The following GRM7 variants were observed in gnomAD, a reference collection of about 807,000 sequenced individuals.
The protein encoded by GRM7 is glutamate metabotropic receptor 7.
A neutral mutation model predicts 84.5 loss-of-function variants in GRM7; 35 were observed. That is an observed-to-expected ratio of 0.41 (90% CI 0.32 to 0.55). The LOEUF (loss-of-function observed/expected upper bound fraction) is 0.55, where lower values mean the gene tolerates loss of function less well. Among genes scored for constraint, GRM7 ranks in the 20% least tolerant of loss-of-function variants. The probability of loss-of-function intolerance (pLI) is 0.19; values close to 1 mark genes in which losing one functional copy is unlikely to be tolerated. For synonymous variants in GRM7, 487 were observed against 455.1 expected (o/e 1.07, Z -0.89); for missense variants, 1,003 against 1,194.6 (o/e 0.84, Z 2.36).
chr3:7,167,887 T>G (rs971014016), intron 2 of GRM7, among the ~76,000 whole-genome samples: 7 of 137,512 alleles, frequency 5.1e-5, no homozygotes, highest in African/African-American at 8.1e-5. Flanking sequence ...GAGAATGGCG[T>G]GAACCCGGGA....
At chr3:7,103,311 G>T (rs1270259879) in intron 1 of GRM7, among the ~76,000 whole-genome samples, 1 of 151,670 alleles carries the variant, frequency 6.6e-6, no homozygotes, top group Admixed American at 6.6e-5. Context: ...CTGAAGTCTG[G>T]TCCAAAAGTG....
At chr3:6,893,867 T>G (rs1330298959) in intron 1 of GRM7, 1 of 152,090 alleles carries the variant, frequency 6.6e-6, no homozygotes, top group East Asian at 1.9e-4. Context: ...GGAAATAAGG[T>G]AAAGAGTAGA....
intron 1 of GRM7, among the ~76,000 whole-genome samples, chr3:7,016,694 T>C (rs1286484580): frequency 6.6e-6 from 1 of 152,172 alleles, no homozygotes; most frequent in Non-Finnish European, 1.5e-5. Context: ...GTAGTAATAA[T>C]AAAATAAAAC....
At chr3:7,465,319 G>A (rs1304869672) in intron 7 of GRM7, among the ~76,000 whole-genome samples, 1 of 152,250 alleles carries the variant, frequency 6.6e-6, no homozygotes, top group East Asian at 1.9e-4. Context: ...AAGAGGCTGG[G>A]TTTAATTCAA....
At chr3:7,435,988 C>T (rs1010462117) in intron 5 of GRM7, among the ~76,000 whole-genome samples, 1 of 151,524 alleles carries the variant, frequency 6.6e-6, no homozygotes, top group African/African-American at 2.4e-5. Flanking sequence ...AGGCGTGAGC[C>T]ACCAGGCCCA....
In GRM7 at chr3:6,917,440, GTATTAT is replaced by G. The variant is rs546307829; in HGVS notation, c.519+55534_519+55539del. Among the ~76,000 whole-genome samples, 390 of 148,438 alleles carry G rather than the reference GTATTAT, an allele frequency of 2.6e-3. 2 individuals carry two copies. The highest frequency in any genetic ancestry group is 4.6e-3 in the South Asian group (21 of 4,606). ...ATGATGCAAATTGATTGAAATATAT[GTATTAT>G]AAAATAGCACCTAGGAAAACTGGAA... On this transcript the variant is annotated intron_variant, in intron 1 of 9. Coordinates refer to ENST00000357716, the MANE Select transcript of GRM7 (RefSeq NM_000844.4).
chr3:7,064,479 T>TATATATATATATATACACAC, intron 1 of GRM7, among the ~76,000 whole-genome samples: 41 of 99,374 alleles, frequency 4.1e-4, no homozygotes, highest in South Asian at 1.4e-3. Flanking sequence ...TATATATATA[T>TATATATATATATATACACAC]ACACACATAT....
chr3:6,877,050 G>A (rs1443319490), intron 1 of GRM7, among the ~76,000 whole-genome samples: 2 of 152,160 alleles, frequency 1.3e-5, no homozygotes, highest in African/African-American at 2.4e-5. Context: ...TCAGCCAATT[G>A]AATGGAATTT....
chr3:7,467,428 T>A (rs746024472), intron 7 of GRM7, among the ~76,000 whole-genome samples: 7 of 152,122 alleles, frequency 4.6e-5, no homozygotes, highest in Non-Finnish European at 1.0e-4. Context: ...CCTGGGTGTT[T>A]CCCAAGTCCA....
At chr3:7,323,194 T>C (rs1008645548) in intron 4 of GRM7, among the ~76,000 whole-genome samples, 17 of 152,150 alleles carry the variant, frequency 1.1e-4, no homozygotes, top group African/African-American at 2.7e-4. Flanking sequence ...ATAAATAACT[T>C]TGGAGTCAGC....
At chr3:7,181,291 G>T (rs1287784875) in intron 2 of GRM7, among the ~76,000 whole-genome samples, 5 of 152,040 alleles carry the variant, frequency 3.3e-5, no homozygotes, top group Admixed American at 6.6e-5. Flanking sequence ...TCTATTAAAG[G>T]CCTTTCAATT....
At chr3:7,468,872 C>T (rs1255101158) in intron 7 of GRM7, among the ~76,000 whole-genome samples, 3 of 152,152 alleles carry the variant, frequency 2.0e-5, no homozygotes, top group Non-Finnish European at 4.4e-5. Flanking sequence ...TTTCTGAGGC[C>T]TCCCTAGCCA....
intron 2 of GRM7, among the ~76,000 whole-genome samples, chr3:7,206,839 A>G (rs564077602): frequency 6.6e-6 from 1 of 152,264 alleles, no homozygotes; most frequent in South Asian, 2.1e-4. Context: ...GTTCTAATGG[A>G]TGCTTTCTTC....
At chr3:7,512,898 G>A (rs936461682) in intron 7 of GRM7, among the ~76,000 whole-genome samples, 1 of 152,110 alleles carries the variant, frequency 6.6e-6, no homozygotes, top group Non-Finnish European at 1.5e-5. Flanking sequence ...GACACCCAAT[G>A]CCAGGTTTTA....
At chr3:6,992,179 T>C (rs1450744564) in intron 1 of GRM7, among the ~76,000 whole-genome samples, 5 of 152,168 alleles carry the variant, frequency 3.3e-5, no homozygotes, top group Non-Finnish European at 7.3e-5. Flanking sequence ...TAGTATTCCT[T>C]TCTGGGCCTG....
intron 4 of GRM7, among the ~76,000 whole-genome samples, chr3:7,399,607 G>C (rs1228150643): frequency 1.3e-5 from 2 of 152,130 alleles, no homozygotes; most frequent in African/African-American, 2.4e-5. Flanking sequence ...GTCGGAGATG[G>C]GGCCTAATGG....
intron 2 of GRM7, among the ~76,000 whole-genome samples, chr3:7,213,773 G>C (rs140722920): frequency 1.4e-3 from 206 of 152,266 alleles, no homozygotes; most frequent in Middle Eastern, 0.01. Context: ...ACTGCCCCTG[G>C]AGACGGAGCA....
At chr3:7,530,210 G>A (rs1238954408) in intron 7 of GRM7, among the ~76,000 whole-genome samples, 2 of 150,010 alleles carry the variant, frequency 1.3e-5, no homozygotes, top group African/African-American at 4.9e-5. Context: ...TTCTGTTCCT[G>A]TGTTATTTTG....
intron 4 of GRM7, among the ~76,000 whole-genome samples, chr3:7,338,736 A>G (rs1238000091): frequency 6.6e-6 from 1 of 152,064 alleles, no homozygotes; most frequent in Non-Finnish European, 1.5e-5. Flanking sequence ...ATTTGCTGTC[A>G]TGATTGTAGA....
Sources: gnomAD v4.1 joint callset for allele counts (sites outside exome capture counted in the v4.1 genomes callset) on GRCh38, gnomAD v4.1.1 for gene constraint, MANE v1.5 for transcripts, NCBI Gene and HGNC (gene_info 2026-07-23, HGNC 2026-07-21) for gene names.